Variants in PHLDB2 observed in about 807,000 individuals in gnomAD.
PHLDB2 encodes pleckstrin homology-like domain family B member 2.
Under a neutral mutation model 123.6 loss-of-function variants are expected in PHLDB2, and 71 were observed. The observed-to-expected ratio is 0.57, with a 90% CI of 0.47 to 0.70. The LOEUF is 0.70. Among genes scored for constraint, PHLDB2 ranks in the 30% least tolerant of loss-of-function variants. The pLI is 0.00. For synonymous variants in PHLDB2, 547 were observed against 541.6 expected, an observed-to-expected ratio of 1.01 and a Z score of -0.14; for missense variants, 1,446 against 1,519.5, an observed-to-expected ratio of 0.95 and a Z score of 0.80.
At chr3:111,752,212 G>A (rs1279946435) in intron 1 of PHLDB2, among the ~76,000 whole-genome samples, 1 of 139,936 alleles carries the variant, frequency 7.1e-6, no homozygotes, top group Admixed American at 7.1e-5. Flanking sequence ...GTCAGTGGAA[G>A]TTTCTAAGTG....
chr3:111,809,705 G>T (rs1280391877), intron 1 of PHLDB2, among the ~76,000 whole-genome samples: 1 of 152,192 alleles, frequency 6.6e-6, no homozygotes. Context: ...GCTAAGTTTG[G>T]AAGAAATATG....
intron 1 of PHLDB2, among the ~76,000 whole-genome samples, chr3:111,769,732 C>T (rs534322232): frequency 2.7e-4 from 41 of 152,204 alleles, no homozygotes; most frequent in Non-Finnish European, 5.1e-4. Flanking sequence ...TTATCTACAA[C>T]CTACAGCCTT....
chr3:111,794,771 T>C (rs2108222139), intron 1 of PHLDB2, among the ~76,000 whole-genome samples: 1 of 152,310 alleles, frequency 6.6e-6, no homozygotes, highest in African/African-American at 2.4e-5. Context: ...GATACATGAA[T>C]GGTAAGGCAT....
upstream of PHLDB2, among the ~76,000 whole-genome samples, chr3:111,857,524 G>T (rs2064574107): frequency 6.6e-6 from 1 of 151,796 alleles, no homozygotes; most frequent in Admixed American, 6.6e-5. Flanking sequence ...ATGTTTATGG[G>T]GATGATCCAA....
At chr3:111,803,417 G>A (rs751019674) in intron 1 of PHLDB2, among the ~76,000 whole-genome samples, 21 of 152,118 alleles carry the variant, frequency 1.4e-4, no homozygotes, top group South Asian at 4.1e-4. Context: ...AAACTTCCCG[G>A]GAGAATGTGC....
At chr3:111,780,668 T>G (rs1348358060) in intron 1 of PHLDB2, among the ~76,000 whole-genome samples, 1 of 152,040 alleles carries the variant, frequency 6.6e-6, no homozygotes, top group Non-Finnish European at 1.5e-5. Flanking sequence ...GAAAAGCACA[T>G]TTAGAATTCT....
At chr3:111,744,033 G>A (rs1170026069) in intron 1 of PHLDB2, among the ~76,000 whole-genome samples, 3 of 152,126 alleles carry the variant, frequency 2.0e-5, no homozygotes, top group Non-Finnish European at 4.4e-5. Context: ...AACTGAGAAA[G>A]TACATTTGCA....
chr3:111,899,771 G>GT (rs1247599787), intron 2 of PHLDB2, among the ~76,000 whole-genome samples: 1 of 152,150 alleles, frequency 6.6e-6, no homozygotes, highest in South Asian at 2.1e-4. Context: ...ATATAAAGCT[G>GT]TTTTGTCTAC....
chr3:111,963,053 G>T (rs1472648518), intron 13 of PHLDB2, among the ~76,000 whole-genome samples: 1 of 152,040 alleles, frequency 6.6e-6, no homozygotes, highest in Non-Finnish European at 1.5e-5. Flanking sequence ...TATTCTGTAT[G>T]TTAAAATTTT....
At chr3:111,965,775 T>C (rs958461529) in intron 13 of PHLDB2, among the ~76,000 whole-genome samples, 1 of 152,216 alleles carries the variant, frequency 6.6e-6, no homozygotes, top group Non-Finnish European at 1.5e-5. Flanking sequence ...TTATAGTCTC[T>C]CTTTTCCAGA....
chr3:111,778,805 T>G, intron 1 of PHLDB2, among the ~76,000 whole-genome samples: 1 of 151,998 alleles, frequency 6.6e-6, no homozygotes, highest in Non-Finnish European at 1.5e-5. Context: ...ACATGGCAAG[T>G]GTTGTGTGGA....
intron 1 of PHLDB2, among the ~76,000 whole-genome samples, chr3:111,879,283 AG>A (rs1273278781): frequency 6.6e-6 from 1 of 152,006 alleles, no homozygotes; most frequent in African/African-American, 2.4e-5. Context: ...GTCTTAGGAG[AG>A]GGTATGTGTC....
chr3:111,733,049 G>A (rs1284797856), intron 1 of PHLDB2, among the ~76,000 whole-genome samples: 1 of 152,078 alleles, frequency 6.6e-6, no homozygotes, highest in African/African-American at 2.4e-5. Context: ...AATTTTCGTT[G>A]CATAATTTTT....
At chr3:111,795,346 C>T (rs1024233875) in intron 1 of PHLDB2, among the ~76,000 whole-genome samples, 6 of 152,026 alleles carry the variant, frequency 3.9e-5, no homozygotes, top group Admixed American at 6.6e-5. Context: ...AAATTTCAGT[C>T]GTCACCAAAG....
At chr3:111,857,811 C>T (rs576996861), upstream of PHLDB2, among the ~76,000 whole-genome samples, 300 of 152,284 alleles carry the variant, frequency 2.0e-3, 1 homozygote, top group African/African-American at 6.9e-3. Context: ...ATAACAGACG[C>T]TGCAGAGAAT....
At chr3:111,859,157 A>T (rs1462539298), upstream of PHLDB2, 2 of 984,008 alleles carry the variant, frequency 2.0e-6, no homozygotes, top group East Asian at 1.1e-4. Context: ...GGTCACCTGG[A>T]GTTTCCCAAT....
At chr3:111,808,210 T>C (rs762029329) in intron 1 of PHLDB2, among the ~76,000 whole-genome samples, 42 of 152,258 alleles carry the variant, frequency 2.8e-4, no homozygotes, top group Non-Finnish European at 4.3e-4. Flanking sequence ...GTGTTCAAAA[T>C]TGTGGGGTGA....
At position 111,779,726 on chromosome 3, in the gene PHLDB2, T is replaced by C. The variant is rs113184508; in HGVS notation, c.-49+47023T>C. 2.5e-5 allele frequency: 11 copies of C among 445,268 alleles called. No individual in the cohort carries two copies. The South Asian group carries it at 4.8e-4, about 19-fold the overall frequency. 27.6% of individuals were successfully genotyped at this position (445,268 alleles called of 1,614,324 possible). ...CATTCCACATTTTTGCTCTTGTGAA[T>C]GGCGTTAAGATGAACATACAGGTGC... On this transcript the variant is annotated intron_variant, in intron 1 of 17. Coordinates refer to the PHLDB2 transcript ENST00000393923.
chr3:111,754,191 T>G (rs1433798161), intron 1 of PHLDB2, among the ~76,000 whole-genome samples: 3 of 150,574 alleles, frequency 2.0e-5, no homozygotes, highest in Non-Finnish European at 2.9e-5. Context: ...GTGAAGAAAG[T>G]CATTGGTAGC....
Sources: allele counts gnomAD v4.1 joint callset (sites outside exome capture counted in the v4.1 genomes callset), GRCh38; gene constraint gnomAD v4.1.1; transcripts MANE v1.5; gene names NCBI Gene and HGNC (gene_info 2026-07-23, HGNC 2026-07-21).